Variants in ITGB3BP observed in about 807,000 individuals in gnomAD.
ITGB3BP encodes the protein centromere protein R.
Under a neutral mutation model 29.1 loss-of-function variants are expected in ITGB3BP, and 27 were observed. The ratio of observed to expected loss-of-function variants is 0.93; its 90% CI spans 0.68 to 1.28. ITGB3BP has a LOEUF of 1.28. ITGB3BP is among the 50% of genes most tolerant of loss of function. ITGB3BP has a pLI of 0.00. For missense variants in ITGB3BP, 192 were observed against 200.2 expected (o/e 0.96, Z 0.25); for synonymous variants, 61 against 61.4 (o/e 0.99, Z 0.03).
chr1:63,503,816 T>G (rs1646001701), intron 2 of ITGB3BP, among the ~76,000 whole-genome samples: 1 of 152,188 alleles, frequency 6.6e-6, no homozygotes, highest in African/African-American at 2.4e-5. Flanking sequence ...AAAGATCAGA[T>G]GGTTGTAGAT....
chr1:63,505,704 G>A (rs1646060906), intron 2 of ITGB3BP, among the ~76,000 whole-genome samples: 2 of 151,978 alleles, frequency 1.3e-5, no homozygotes, highest in Admixed American at 6.6e-5. Flanking sequence ...AGAGATTCTG[G>A]TATGTTGTAT....
At position 63,454,799 on chromosome 1, in the gene ITGB3BP, C is replaced by A; in HGVS notation, c.333+91G>T. On this transcript the variant is annotated intron_variant, in intron 5 of 8. Coordinates refer to ENST00000271002, the MANE Select transcript of ITGB3BP (RefSeq NM_014288.5). This position sits in a 1 kb window ranked among gnomAD's most constrained non-coding sequence, Gnocchi z 4.1. ...AAAAGTAAATTAAACATACTCTATG[C>A]AAACTCTTTCCTGGATTGGATTCTC... 1.7e-6 allele frequency: 1 copy of A among 578,152 alleles called. No homozygotes were observed. The highest frequency in any genetic ancestry group is 2.8e-5 in the East Asian group (1 of 35,244). The allele number at this position is 578,152 out of a possible 1,614,324, so 35.8% of individuals were successfully genotyped here.
chr1:63,527,501 T>A (rs746517825), upstream of ITGB3BP, among the ~76,000 whole-genome samples: 1 of 102,866 alleles, frequency 9.7e-6, no homozygotes. Flanking sequence ...TTAAGTTCCT[T>A]TTTTGTCAAT....
chr1:63,475,014 G>C (rs1458777933), intron 4 of ITGB3BP, among the ~76,000 whole-genome samples: 1 of 152,188 alleles, frequency 6.6e-6, no homozygotes, highest in Admixed American at 6.5e-5. Flanking sequence ...TCACCCGGTC[G>C]CTTAGGCTGG....
At chr1:63,503,635 T>C (rs1279696650) in intron 2 of ITGB3BP, among the ~76,000 whole-genome samples, 1 of 152,242 alleles carries the variant, frequency 6.6e-6, no homozygotes, top group Admixed American at 6.5e-5. Context: ...CTAGGGTTTT[T>C]ATGGTTTTAG....
At chr1:63,515,588 G>A (rs1203960242) in intron 1 of ITGB3BP, among the ~76,000 whole-genome samples, 1 of 152,012 alleles carries the variant, frequency 6.6e-6, no homozygotes, top group African/African-American at 2.4e-5. Flanking sequence ...AGGACTTTGG[G>A]AGGCTGAGGT....
chr1:63,524,555 T>G (rs1646545764), upstream of ITGB3BP, among the ~76,000 whole-genome samples: 1 of 152,224 alleles, frequency 6.6e-6, no homozygotes, highest in South Asian at 2.1e-4. Flanking sequence ...GGACCCTACC[T>G]GTGTTATCTT....
intron 4 of ITGB3BP, among the ~76,000 whole-genome samples, chr1:63,475,334 T>G (rs1056950205): frequency 1.3e-5 from 2 of 152,130 alleles, no homozygotes; most frequent in African/African-American, 4.8e-5. Flanking sequence ...GGCAAGAGGA[T>G]CGCTTTAGCC....
chr1:63,503,446 T>A (rs1224808445), intron 2 of ITGB3BP, among the ~76,000 whole-genome samples: 1 of 152,126 alleles, frequency 6.6e-6, no homozygotes, highest in Non-Finnish European at 1.5e-5. Flanking sequence ...AAAAATTTTC[T>A]CCCATTCTGT....
At chr1:63,478,473 T>G (rs1051697068) in intron 4 of ITGB3BP, among the ~76,000 whole-genome samples, 2 of 152,238 alleles carry the variant, frequency 1.3e-5, no homozygotes, top group Non-Finnish European at 2.9e-5. Context: ...TCTCCATCCA[T>G]GTAAATCTGA....
intron 4 of ITGB3BP, among the ~76,000 whole-genome samples, chr1:63,469,288 C>G (rs1310212684): frequency 6.6e-6 from 1 of 151,826 alleles, no homozygotes; most frequent in South Asian, 2.1e-4. Context: ...AAGATATCTC[C>G]TTTACTTATA....
At chr1:63,495,440 C>T (rs1030560629) in intron 2 of ITGB3BP, among the ~76,000 whole-genome samples, 1 of 152,202 alleles carries the variant, frequency 6.6e-6, no homozygotes, top group Non-Finnish European at 1.5e-5. Flanking sequence ...GAAGGAACCG[C>T]AGACTTAACA....
At chr1:63,489,879 G>C (rs563427106) in intron 3 of ITGB3BP, among the ~76,000 whole-genome samples, 14 of 152,114 alleles carry the variant, frequency 9.2e-5, no homozygotes, top group Non-Finnish European at 1.6e-4. Flanking sequence ...GGATAGTAAG[G>C]GAACAAAGCC....
chr1:63,495,327 A>G (rs1645760566), intron 2 of ITGB3BP, among the ~76,000 whole-genome samples: 1 of 152,248 alleles, frequency 6.6e-6, no homozygotes, highest in Non-Finnish European at 1.5e-5. Context: ...TAATATAAAA[A>G]TATGAACCAA....
chr1:63,470,186 C>G (rs1490676207), intron 4 of ITGB3BP, among the ~76,000 whole-genome samples: 1 of 152,146 alleles, frequency 6.6e-6, no homozygotes, highest in Non-Finnish European at 1.5e-5. Flanking sequence ...GGGCTCTCAG[C>G]TCTAAAGGCT....
chr1:63,506,330 T>C (rs1268752349), intron 2 of ITGB3BP, among the ~76,000 whole-genome samples: 1 of 152,164 alleles, frequency 6.6e-6, no homozygotes, highest in Non-Finnish European at 1.5e-5. Flanking sequence ...GAGACTAGGA[T>C]TGCAACCCCT....
rs113456497 is a variant in ITGB3BP, at chr1:63,518,992, T to C, written c.5+4137A>G. On this transcript the variant is annotated intron_variant, in intron 1 of 8. Coordinates refer to ENST00000271002, the MANE Select transcript of ITGB3BP (RefSeq NM_014288.5). ...AAAAGAGAAGAATCTTGCAACATTA[T>C]AGTCAACTCCCTCTACACTTTGTGC... 7.3e-3 allele frequency among the ~76,000 whole-genome samples: 1,116 copies of C among 152,244 alleles called. 13 individuals are homozygous for C. Among genetic ancestry groups the C allele is most frequent in the East Asian group, 0.04 (209 of 5,188 alleles).
chr1:63,493,330 A>G (rs577726762), intron 2 of ITGB3BP, among the ~76,000 whole-genome samples: 1 of 152,132 alleles, frequency 6.6e-6, no homozygotes. Context: ...CACGAGAATC[A>G]CTTGGACCCA....
chr1:63,496,407 T>C (rs1645789046), intron 2 of ITGB3BP, among the ~76,000 whole-genome samples: 1 of 152,156 alleles, frequency 6.6e-6, no homozygotes, highest in Admixed American at 6.5e-5. Context: ...AATTTGCTCC[T>C]TTGAACAACT....
Sources: gnomAD v4.1 joint callset for allele counts (sites outside exome capture counted in the v4.1 genomes callset) on GRCh38, gnomAD v4.1.1 for gene constraint, Gnocchi (gnomAD v3.1) non-coding constraint, MANE v1.5 for transcripts, NCBI Gene and HGNC (gene_info 2026-07-23, HGNC 2026-07-21) for gene names.